BST1: variants seen among roughly 807,000 people sequenced by gnomAD.
The protein encoded by BST1 is ADP-ribosyl cyclase/cyclic ADP-ribose hydrolase 2.
BST1 carries 49 observed loss-of-function variants against 40.6 expected under a neutral mutation model. The observed-to-expected ratio is 1.21, with a 90% CI of 0.96 to 1.53. The LOEUF (loss-of-function observed/expected upper bound fraction) is 1.53. BST1 is among the 40% of genes most tolerant of loss of function. The probability of loss-of-function intolerance (pLI) is 0.00; values close to 1 mark genes in which losing one functional copy is unlikely to be tolerated. For missense variants in BST1, 423 were observed against 395.9 expected, an observed-to-expected ratio of 1.07 and a Z score of -0.58; for synonymous variants, 157 against 159.3, an observed-to-expected ratio of 0.99 and a Z score of 0.11.
In BST1 at chr4:15,731,759, A is replaced by G. The variant is rs758576022; in HGVS notation, c.871A>G (p.Arg291Gly). 16 of 1,613,278 alleles carry G rather than the reference A, an allele frequency of 9.9e-6. No individual in the cohort carries two copies. The highest frequency in any genetic ancestry group is 1.4e-5 in the Non-Finnish European group (16 of 1,179,720). The change falls in exon 9 of 9, where the codon AGA (arginine) becomes GGA (glycine). Residue 291 changes from arginine to glycine, a missense_variant. Physicochemically the swap from Arg to Gly is moderately radical, Grantham distance 125 (BLOSUM62 -2). Transcript: ENST00000265016. Reference protein sequence around the residue: ...ALKSAAAATQRKAPSLYTEQR... With the variant: ...ALKSAAAATQGKAPSLYTEQR... ...TTGCAGGGCAGCAGCCGCTACTCAA[A>G]GAAAAGCCCCAAGTCTTTATACAGA...
chr4:15,710,645 C>T (rs1043115553), intron 3 of BST1, among the ~76,000 whole-genome samples: 2 of 152,158 alleles, frequency 1.3e-5, no homozygotes, highest in African/African-American at 4.8e-5. Context: ...ATGAGATCAG[C>T]TTTTGAAGAT....
chr4:15,727,156 T>C (rs886719231), intron 8 of BST1, among the ~76,000 whole-genome samples: 6 of 152,164 alleles, frequency 3.9e-5, no homozygotes, highest in South Asian at 2.1e-4. Context: ...TCATTTAATG[T>C]TACTCAGAGG....
At position 15,705,543 on chromosome 4, in the gene BST1, G is replaced by A. The variant is rs931128626; in HGVS notation, c.217G>A (p.Ala73Thr). The change falls in exon 2 of 9, where the codon GCC becomes ACC. Residue 73 changes from alanine (A) to threonine (T), a missense_variant. Ala to Thr is a moderately conservative substitution (Grantham distance 58, BLOSUM62 0). Coordinates refer to ENST00000265016, the MANE Select transcript of BST1 (RefSeq NM_004334.3). ...RNKNCTAIWE[A>T]FKVALDKDPC... Reference sequence around the variant, plus strand: ...CAAGAACTGCACAGCCATCTGGGAAGCCTTTAAAGTGGCGCTGGACAAGGA... The same window carrying A: ...CAAGAACTGCACAGCCATCTGGGAAACCTTTAAAGTGGCGCTGGACAAGGA... 6.2e-7 allele frequency: 1 copy of A among 1,600,846 alleles called. No homozygotes were observed. The highest frequency in any genetic ancestry group is 8.5e-7 in the Non-Finnish European group (1 of 1,174,616).
At chr4:15,741,821 G>A (rs1205349571), downstream of BST1, among the ~76,000 whole-genome samples, 4 of 152,158 alleles carry the variant, frequency 2.6e-5, no homozygotes, top group East Asian at 7.7e-4. Flanking sequence ...CCCGCAAAGC[G>A]AAAAGTATTA....
At chr4:15,761,900 G>A in the BST1 span, among the ~76,000 whole-genome samples, 1 of 151,862 alleles carries the variant, frequency 6.6e-6, no homozygotes, top group Non-Finnish European at 1.5e-5. Flanking sequence ...TTTGTAGATG[G>A]TTTTAAGAAC....
chr4:15,752,467 C>T, the BST1 span, among the ~76,000 whole-genome samples: 1 of 151,708 alleles, frequency 6.6e-6, no homozygotes, highest in African/African-American at 2.4e-5. Context: ...CGGCTCACTG[C>T]AACCCCCGCC....
chr4:15,735,778 G>T (rs1440161218), downstream of BST1, among the ~76,000 whole-genome samples: 1 of 152,144 alleles, frequency 6.6e-6, no homozygotes, highest in Non-Finnish European at 1.5e-5. Flanking sequence ...ATGTTGCCTG[G>T]GTTACCAGGC....
chr4:15,723,586 T>C (rs1336154254), intron 8 of BST1: 5 of 985,318 alleles, frequency 5.1e-6, no homozygotes, highest in Non-Finnish European at 6.0e-6. Context: ...AGTCATGGGC[T>C]GGCTTGGTTG....
the BST1 span, among the ~76,000 whole-genome samples, chr4:15,746,082 T>C: frequency 7.9e-5 from 12 of 152,132 alleles, no homozygotes; most frequent in African/African-American, 2.7e-4. Flanking sequence ...CCAAAGGAGA[T>C]TGAAAATAAG....
chr4:15,764,563 CTCA>C, the BST1 span, among the ~76,000 whole-genome samples: 1 of 151,918 alleles, frequency 6.6e-6, no homozygotes, highest in Non-Finnish European at 1.5e-5. Flanking sequence ...TAAAGAATGG[CTCA>C]TATATAAACT....
At chr4:15,710,786 T>C (rs938599208) in intron 3 of BST1, among the ~76,000 whole-genome samples, 3 of 152,118 alleles carry the variant, frequency 2.0e-5, no homozygotes, top group African/African-American at 7.2e-5. Flanking sequence ...ATACATGCCA[T>C]ATTTTCTTTC....
At chr4:15,774,098 T>G in the BST1 span, among the ~76,000 whole-genome samples, 25 of 152,234 alleles carry the variant, frequency 1.6e-4, no homozygotes, top group East Asian at 4.6e-3. Flanking sequence ...GGTGTTCTTA[T>G]AAAAACAGGA....
At chr4:15,722,736 A>T in intron 7 of BST1, 139 bp from the exon 8 acceptor site, 2 of 696,506 alleles carry the variant, frequency 2.9e-6, no homozygotes, top group South Asian at 4.2e-5. Context: ...CTGGGCCACT[A>T]ATATTTTTAG....
chr4:15,769,203 T>A, the BST1 span, among the ~76,000 whole-genome samples: 1 of 152,252 alleles, frequency 6.6e-6, no homozygotes, highest in Non-Finnish European at 1.5e-5. Context: ...GTGAATCCGA[T>A]GAAGACCTTG....
At chr4:15,737,715 G>C (rs1037977101), downstream of BST1, 3 of 1,113,406 alleles carry the variant, frequency 2.7e-6, no homozygotes, top group Non-Finnish European at 2.4e-6. Context: ...TAGGTACCAG[G>C]TACCTTACAC....
At chr4:15,754,398 C>T in the BST1 span, among the ~76,000 whole-genome samples, 14 of 152,144 alleles carry the variant, frequency 9.2e-5, no homozygotes, top group African/African-American at 3.1e-4. Context: ...TCCAGATGTT[C>T]TCTGAAGCAT....
chr4:15,720,965 G>C (rs1720776928), intron 7 of BST1, among the ~76,000 whole-genome samples: 1 of 152,184 alleles, frequency 6.6e-6, no homozygotes, highest in Non-Finnish European at 1.5e-5. Flanking sequence ...CAGAGCCCAG[G>C]TCTCCTTGCC....
At chr4:15,703,905 CTCTAGAGGTGAGGGGTGTGTGTAT>C (rs1363631866) in intron 1 of BST1, among the ~76,000 whole-genome samples, 32 of 113,588 alleles carry the variant, frequency 2.8e-4, no homozygotes, top group Admixed American at 1.3e-3. Flanking sequence ...TGTGCGTGCG[CTCTAGAGGTGAGGGGTGTGTGTAT>C]TCTAGAGGTG....
the BST1 span, among the ~76,000 whole-genome samples, chr4:15,752,648 A>AAG: frequency 6.6e-6 from 1 of 152,020 alleles, no homozygotes; most frequent in Non-Finnish European, 1.5e-5. Context: ...TCAGCCTCCC[A>AAG]AGCCATTCTT....
Sources: allele counts gnomAD v4.1 joint callset (sites outside exome capture counted in the v4.1 genomes callset), GRCh38; gene constraint gnomAD v4.1.1; transcripts MANE v1.5; gene names NCBI Gene and HGNC (gene_info 2026-07-23, HGNC 2026-07-21).